GPC6: variants seen among roughly 807,000 people sequenced by gnomAD.
The protein encoded by GPC6 is glypican-6.
A neutral mutation model predicts 55.2 loss-of-function variants in GPC6; 14 were observed. That is an observed-to-expected ratio of 0.25 (90% CI 0.17 to 0.40). GPC6 has a LOEUF of 0.40. GPC6 is among the 10% of genes least tolerant of loss of function. The pLI is 1.00. For missense variants in GPC6, 641 were observed against 708.5 expected (o/e 0.90, Z 1.08); for synonymous variants, 278 against 259.6 (o/e 1.07, Z -0.68).
intron 1 of GPC6, among the ~76,000 whole-genome samples, chr13:93,392,296 G>T (rs758839207): frequency 2.0e-5 from 3 of 152,132 alleles, no homozygotes; most frequent in Admixed American, 6.5e-5. Context: ...TGGCAACTAC[G>T]ACCAATCATT....
At chr13:93,445,872 C>T (rs1246978780) in intron 1 of GPC6, among the ~76,000 whole-genome samples, 1 of 152,092 alleles carries the variant, frequency 6.6e-6, no homozygotes, top group Non-Finnish European at 1.5e-5. Context: ...AATGGTTATA[C>T]AAAGAACTCT....
At chr13:94,402,714 T>G (rs893458041) in intron 8 of GPC6, among the ~76,000 whole-genome samples, 1 of 152,018 alleles carries the variant, frequency 6.6e-6, no homozygotes, top group Non-Finnish European at 1.5e-5. Flanking sequence ...CTCAGGAAAA[T>G]TACAATCATG....
At chr13:94,080,334 C>G (rs1328825) in intron 4 of GPC6, among the ~76,000 whole-genome samples, 28,497 of 152,102 alleles carry the variant, frequency 0.19, 2,800 homozygotes, top group South Asian at 0.26. Flanking sequence ...GAAGAAAAAG[C>G]TGATAAGTAA....
At chr13:93,474,984 AAAAAT>A (rs1298379960) in intron 1 of GPC6, among the ~76,000 whole-genome samples, 1 of 152,176 alleles carries the variant, frequency 6.6e-6, no homozygotes, top group Non-Finnish European at 1.5e-5. Context: ...CAGCCTCTAA[AAAAAT>A]AAAATAATTA....
rs527321050 is a variant in GPC6, at chr13:94,059,216, C to CT, written c.877+31335dup. Among the ~76,000 whole-genome samples the CT allele has an allele frequency of 3.2e-3, 437 of 138,730 alleles. 1 individual carries two copies. Among genetic ancestry groups the CT allele is most frequent in the Non-Finnish European group, 3.9e-3 (250 of 63,344 alleles). 91.0% of individuals were successfully genotyped at this position (138,730 alleles called of 152,430 possible). On this transcript the variant is annotated intron_variant, in intron 4 of 8. Coordinates refer to ENST00000377047, the MANE Select transcript of GPC6 (RefSeq NM_005708.5). ...CACTTGCATCCAGGAAAGCATTTTTCTTTTTTTTTTTTTCAGTAATCAGAC... is the reference window on the plus strand; with the variant it reads ...CACTTGCATCCAGGAAAGCATTTTTCTTTTTTTTTTTTTTCAGTAATCAGAC...
At chr13:94,150,468 T>C (rs1423510722) in intron 4 of GPC6, among the ~76,000 whole-genome samples, 2 of 152,078 alleles carry the variant, frequency 1.3e-5, no homozygotes, top group Non-Finnish European at 2.9e-5. Flanking sequence ...CTGCTGACCT[T>C]CCAGCTTCAT....
intron 2 of GPC6, among the ~76,000 whole-genome samples, chr13:93,582,550 A>T (rs1174150596): frequency 6.6e-6 from 1 of 152,232 alleles, no homozygotes; most frequent in African/African-American, 2.4e-5. Flanking sequence ...ACCCCATTTC[A>T]TAGGAGGGAC....
At chr13:93,302,231 C>T (rs183203949) in intron 1 of GPC6, among the ~76,000 whole-genome samples, 42 of 152,054 alleles carry the variant, frequency 2.8e-4, no homozygotes, top group African/African-American at 9.7e-4. Context: ...TGGTGTGTTT[C>T]CTGCCTGAGA....
At chr13:94,253,970 G>T (rs1891431980) in intron 4 of GPC6, among the ~76,000 whole-genome samples, 1 of 152,080 alleles carries the variant, frequency 6.6e-6, no homozygotes, top group Admixed American at 6.6e-5. Context: ...ATGTATTGAT[G>T]ATTTAGTCTT....
At chr13:93,464,644 C>T (rs1294108506) in intron 1 of GPC6, among the ~76,000 whole-genome samples, 1 of 152,182 alleles carries the variant, frequency 6.6e-6, no homozygotes, top group Admixed American at 6.5e-5. Flanking sequence ...TGATTTTCTC[C>T]ATTGAATTCT....
chr13:93,610,616 C>A (rs181002981), intron 2 of GPC6, among the ~76,000 whole-genome samples: 233 of 152,030 alleles, frequency 1.5e-3, no homozygotes, highest in African/African-American at 5.3e-3. Context: ...ATATTATACA[C>A]CTATATGTTT....
chr13:93,848,796 C>T (rs1489114506), intron 3 of GPC6, among the ~76,000 whole-genome samples: 1 of 151,974 alleles, frequency 6.6e-6, no homozygotes, highest in Non-Finnish European at 1.5e-5. Context: ...GCCCACTGCC[C>T]CCCGCAACCA....
chr13:94,124,586 A>G (rs1886743346), intron 4 of GPC6, among the ~76,000 whole-genome samples: 1 of 152,034 alleles, frequency 6.6e-6, no homozygotes, highest in South Asian at 2.1e-4. Context: ...GACATTTGGG[A>G]GGAGGTATAG....
At chr13:94,307,613 G>A (rs994236647) in intron 6 of GPC6, among the ~76,000 whole-genome samples, 1 of 152,164 alleles carries the variant, frequency 6.6e-6, no homozygotes, top group Admixed American at 6.5e-5. Context: ...GTGCTCAGCG[G>A]CTTACATCTA....
intron 4 of GPC6, among the ~76,000 whole-genome samples, chr13:94,283,582 A>G (rs1475929027): frequency 6.6e-6 from 1 of 152,240 alleles, no homozygotes; most frequent in Non-Finnish European, 1.5e-5. Flanking sequence ...GTACTAACAC[A>G]GAGTCAGTGT....
chr13:94,118,106 G>A (rs948764326), intron 4 of GPC6, among the ~76,000 whole-genome samples: 5 of 152,030 alleles, frequency 3.3e-5, no homozygotes, highest in African/African-American at 1.2e-4. Context: ...AATGGTGACT[G>A]ATGTGGTTTG....
intron 2 of GPC6, among the ~76,000 whole-genome samples, chr13:93,679,335 A>G (rs1881763653): frequency 6.6e-6 from 1 of 152,160 alleles, no homozygotes; most frequent in Admixed American, 6.6e-5. Flanking sequence ...CAGCTAGTAG[A>G]CCATGGAGTG....
At chr13:93,678,462 T>C (rs1474666907) in intron 2 of GPC6, among the ~76,000 whole-genome samples, 1 of 152,204 alleles carries the variant, frequency 6.6e-6, no homozygotes, top group Non-Finnish European at 1.5e-5. Context: ...GTTTGTGAAA[T>C]AATCTTAGCA....
intron 1 of GPC6, among the ~76,000 whole-genome samples, chr13:93,461,003 A>T (rs905188022): frequency 1.3e-5 from 2 of 152,142 alleles, no homozygotes; most frequent in Admixed American, 1.3e-4. Context: ...TTCCATTCTC[A>T]TCTAGCATTG....
Sources: allele counts gnomAD v4.1 joint callset (sites outside exome capture counted in the v4.1 genomes callset), GRCh38; gene constraint gnomAD v4.1.1; transcripts MANE v1.5; gene names NCBI Gene and HGNC (gene_info 2026-07-23, HGNC 2026-07-21).